LOXL1: variants seen among roughly 807,000 people sequenced by gnomAD.
The protein encoded by LOXL1 is lysyl oxidase like 1, also known as lysyl oxidase homolog 1.
A neutral mutation model predicts 62.2 loss-of-function variants in LOXL1; 31 were observed. That is an observed-to-expected ratio of 0.50 (90% CI 0.37 to 0.67). The LOEUF (loss-of-function observed/expected upper bound fraction) is 0.67, where lower values mean the gene tolerates loss of function less well. Among genes scored for constraint, LOXL1 ranks in the 30% least tolerant of loss-of-function variants. The pLI, the probability that LOXL1 is intolerant of heterozygous loss-of-function variation, is 0.00. For missense variants in LOXL1, 775 were observed against 843.4 expected, an observed-to-expected ratio of 0.92 and a Z score of 1.00; for synonymous variants, 403 against 384.4, an observed-to-expected ratio of 1.05 and a Z score of -0.56.
rs1172546456 is a variant in LOXL1, at chr15:73,927,544, C to T, written c.761C>T (p.Ala254Val). The change falls in exon 1 of 7, where the codon GCC becomes GTC. Residue 254 changes from alanine to valine, a missense_variant. Coordinates refer to ENST00000261921, the MANE Select transcript of LOXL1 (RefSeq NM_005576.4). Reference protein sequence around the residue: ...PEYPPQGFYPAPERPYVPPPP... With the variant: ...PEYPPQGFYPVPERPYVPPPP... ...TACCCGCCTCAGGGCTTCTACCCGG[C>T]CCCCGAGAGGCCCTACGTGCCGCCG... 3 of 1,498,408 alleles carry T rather than the reference C, an allele frequency of 2.0e-6. No homozygotes were observed. Among genetic ancestry groups the T allele is most frequent in the Middle Eastern group, 1.8e-4 (1 of 5,496 alleles). The allele number at this position is 1,498,408 out of a possible 1,614,324, so 92.8% of individuals were successfully genotyped here.
intron 5 of LOXL1, among the ~76,000 whole-genome samples, chr15:73,948,928 G>C (rs539626676): frequency 2.0e-5 from 3 of 152,332 alleles, no homozygotes; most frequent in Non-Finnish European, 4.4e-5. Flanking sequence ...CCCTACCCTA[G>C]TTAATCCAAC....
At chr15:73,947,264 G>A (rs1379655960) in intron 4 of LOXL1, 41 bp downstream of exon 4, 1 of 1,560,396 alleles carries the variant, frequency 6.4e-7, no homozygotes, top group Non-Finnish European at 8.7e-7. Flanking sequence ...GGGAGGATAA[G>A]GAGTTGGGGA....
chr15:73,943,926 A>G (rs1321990134), intron 2 of LOXL1, among the ~76,000 whole-genome samples: 5 of 152,246 alleles, frequency 3.3e-5, no homozygotes, highest in African/African-American at 9.6e-5. Flanking sequence ...TGTCTGTAAC[A>G]AGATAAAGAG....
In LOXL1 at chr15:73,927,804, C is replaced by G. The variant is rs2068600058; in HGVS notation, c.1021C>G (p.Pro341Ala). 7.3e-7 allele frequency: 1 copy of G among 1,374,836 alleles called. No individual in the cohort carries two copies. The highest frequency in any genetic ancestry group is 1.7e-5 in the South Asian group (1 of 58,284). 85.2% of individuals were successfully genotyped at this position (1,374,836 alleles called of 1,614,324 possible). Residue 341 changes from proline (P) to alanine (A), a missense_variant, in exon 1 of 7, where the codon CCG becomes GCG. Coordinates refer to ENST00000261921, the MANE Select transcript of LOXL1 (RefSeq NM_005576.4). ...GCCGGTGCGCAGCTCCGACACGCCC[C>G]CGCCGGGTGGGGAGCGGAACGGCGC... The part of the protein sequence containing the change: ...YLPVRSSDTP[P>A]PGGERNGAQQ...
intron 6 of LOXL1, among the ~76,000 whole-genome samples, chr15:73,950,293 T>TTA (rs1442360390): frequency 6.8e-6 from 1 of 146,088 alleles, no homozygotes; most frequent in Admixed American, 6.8e-5. Flanking sequence ...CCTTTTCCAT[T>TTA]AAAAAAAAAA....
Position 73,927,800 on chromosome 15 carries a change from G to T in LOXL1, c.1017G>T (p.Thr339=). The T allele has an allele frequency of 7.3e-7, 1 of 1,375,824 alleles. No individual in the cohort carries two copies. The highest frequency in any genetic ancestry group is 3.7e-5 in the Admixed American group (1 of 26,818). The allele number at this position is 1,375,824 out of a possible 1,614,324, so 85.2% of individuals were successfully genotyped here. The change falls in exon 1 of 7, where the codon ACG becomes ACT. Residue 339 remains threonine, a synonymous_variant. Transcript: ENST00000261921. ...ACCTGCCGGTGCGCAGCTCCGACAC[G>T]CCCCCGCCGGGTGGGGAGCGGAACG... The part of the protein sequence containing the change: ...PPYLPVRSSD[T]PPPGGERNGA...
intron 1 of LOXL1, among the ~76,000 whole-genome samples, chr15:73,942,412 G>A (rs948315266): frequency 1.3e-5 from 2 of 152,094 alleles, no homozygotes; most frequent in African/African-American, 4.8e-5. Flanking sequence ...TGAGAGGAAC[G>A]GAGGGTGTCT....
intron 1 of LOXL1, among the ~76,000 whole-genome samples, chr15:73,933,853 TA>T (rs1379398082): frequency 2.0e-5 from 3 of 152,264 alleles, no homozygotes; most frequent in Non-Finnish European, 4.4e-5. Context: ...AAGAGAGGTT[TA>T]GACTTGCCCC....
intron 6 of LOXL1, among the ~76,000 whole-genome samples, chr15:73,951,366 T>C (rs2068785467): frequency 6.6e-6 from 1 of 151,924 alleles, no homozygotes; most frequent in African/African-American, 2.4e-5. Flanking sequence ...CGGGCCTTAT[T>C]AGAGTGTCTC....
intron 1 of LOXL1, among the ~76,000 whole-genome samples, chr15:73,931,551 T>A (rs1338008503): frequency 6.6e-6 from 1 of 152,150 alleles, no homozygotes; most frequent in Non-Finnish European, 1.5e-5. Flanking sequence ...CATGGGACCA[T>A]GCTGCTCGTG....
intron 1 of LOXL1, among the ~76,000 whole-genome samples, chr15:73,939,587 G>A (rs1442919591): frequency 2.0e-5 from 3 of 152,200 alleles, no homozygotes; most frequent in Non-Finnish European, 2.9e-5. Context: ...CAGAGCAGTG[G>A]CTGCCTGGGG....
In LOXL1 at chr15:73,927,047, C is replaced by A; in HGVS notation, c.264C>A (p.Ser88Arg). 1 of 1,330,212 alleles carries A rather than the reference C, an allele frequency of 7.5e-7. No individual in the cohort carries two copies. Among genetic ancestry groups the A allele is most frequent in the Non-Finnish European group, 9.7e-7 (1 of 1,034,010 alleles). The allele number at this position is 1,330,212 out of a possible 1,614,324, so 82.4% of individuals were successfully genotyped here. ...CGCCCCAGGCCCAGCAGCGGCGCAG[C>A]CACGGGAGCCCCCGGCGTCGGCAGG... is the stretch of plus-strand genomic sequence containing the variant. The part of the protein sequence containing the change: ...AGAPQAQQRR[S>R]HGSPRRRQAP... Residue 88 changes from serine to arginine, a missense_variant, in exon 1 of 7, where the codon AGC becomes AGA. Physicochemically the swap from Ser to Arg is moderately radical, Grantham distance 110. Coordinates refer to ENST00000261921, the MANE Select transcript of LOXL1 (RefSeq NM_005576.4).
At chr15:73,941,739 GT>G (rs1431313824) in intron 1 of LOXL1, 1 of 152,884 alleles carries the variant, frequency 6.5e-6, no homozygotes, top group African/African-American at 2.4e-5. Context: ...GGGCCCTGGA[GT>G]CCCCCCTGCC....
Position 73,926,578 on chromosome 15 carries a change from A to T in LOXL1, c.-206A>T. On this transcript the variant is annotated 5_prime_UTR_variant, in exon 1 of 7. Transcript: ENST00000261921. Reference sequence around the variant, plus strand: ...CGGAGAGCCTCGTGCAGCCCTGGGCACCGCCCCTGCCCTGCCCTGACCCCT... The same window carrying T: ...CGGAGAGCCTCGTGCAGCCCTGGGCTCCGCCCCTGCCCTGCCCTGACCCCT... 2.0e-6 allele frequency: 1 copy of T among 493,776 alleles called. No individual in the cohort carries two copies. The highest frequency in any genetic ancestry group is 3.3e-6 in the Non-Finnish European group (1 of 306,858). The allele number at this position is 493,776 out of a possible 1,614,324, so 30.6% of individuals were successfully genotyped here.
intron 2 of LOXL1, 34 bp from the exon 3 acceptor site, chr15:73,946,383 C>CCACCCCCCCCCAA: frequency 6.7e-7 from 1 of 1,498,958 alleles, no homozygotes; most frequent in East Asian, 2.3e-5. Context: ...CACTGTGCCC[C>CCACCCCCCCCCAA]AACCCCCCCT....
chr15:73,946,521 C>T lies in LOXL1; in HGVS notation c.1316C>T (p.Pro439Leu), dbSNP rs2068748977. The T allele has an allele frequency of 1.9e-6, 3 of 1,609,748 alleles. No individual in the cohort carries two copies. The highest frequency in any genetic ancestry group is 3.4e-5 in the Admixed American group (2 of 59,686). The change falls in exon 3 of 7, where the codon CCA becomes CTA. Residue 439 changes from proline (P) to leucine (L), a missense_variant. By Grantham distance (98) the Pro-to-Leu change is moderately conservative. Transcript: ENST00000261921. ...QGTADFLPNRPRHTWEWHSCH... is the reference protein window; with the variant it reads ...QGTADFLPNRLRHTWEWHSCH... ...ACAGCAGACTTCCTCCCCAACCGGC[C>T]ACGGCACACCTGGGAGTGGCACAGC...
At chr15:73,942,271 T>C (rs544177101) in intron 1 of LOXL1, among the ~76,000 whole-genome samples, 1 of 152,004 alleles carries the variant, frequency 6.6e-6, no homozygotes, top group East Asian at 1.9e-4. Context: ...TTCTAGCCCA[T>C]CCCTTCCTGC....
intron 4 of LOXL1, 78 bp downstream of exon 4, chr15:73,947,301 C>A: frequency 1.3e-6 from 2 of 1,483,740 alleles, no homozygotes; most frequent in Non-Finnish European, 9.1e-7. Context: ...CGCTGAGGCC[C>A]GGCAAGTGCC....
intron 1 of LOXL1, among the ~76,000 whole-genome samples, chr15:73,938,371 G>A (rs776318618): frequency 4.0e-5 from 6 of 151,844 alleles, no homozygotes; most frequent in South Asian, 4.2e-4. Context: ...GATGCACATC[G>A]TGGAATCCTA....
Sources: allele counts gnomAD v4.1 joint callset (sites outside exome capture counted in the v4.1 genomes callset), GRCh38; gene constraint gnomAD v4.1.1; transcripts MANE v1.5; gene names NCBI Gene and HGNC (gene_info 2026-07-23, HGNC 2026-07-21).